The following AOAH variants were observed in gnomAD, a reference collection of about 807,000 sequenced individuals.
AOAH encodes the protein acyloxyacyl hydrolase, also known as acyloxyacyl hydrolase (neutrophil).
In AOAH, 64 loss-of-function variants were observed where a neutral mutation model predicts 92.2. That is an observed-to-expected ratio of 0.69 (90% CI 0.57 to 0.86). The LOEUF is 0.86. Ranked by LOEUF, AOAH falls within the 40% of genes least tolerant of loss-of-function variation. The probability of loss-of-function intolerance (pLI) is 0.00; values close to 1 mark genes in which losing one functional copy is unlikely to be tolerated. For missense variants in AOAH, 656 were observed against 694.6 expected (o/e 0.94, Z 0.62); for synonymous variants, 263 against 254.5 (o/e 1.03, Z -0.32).
At chr7:36,636,273 G>C (rs1440128076) in intron 5 of AOAH, among the ~76,000 whole-genome samples, 1 of 152,082 alleles carries the variant, frequency 6.6e-6, no homozygotes, top group Non-Finnish European at 1.5e-5. Flanking sequence ...TTGTTGAATT[G>C]TTCAGTAGAA....
chr7:36,521,752 A>G (rs1219009953), intron 20 of AOAH, among the ~76,000 whole-genome samples: 3 of 151,236 alleles, frequency 2.0e-5, no homozygotes, highest in East Asian at 3.9e-4. Flanking sequence ...CCCTTTTAGC[A>G]TCGCACAGAG....
chr7:36,679,299 A>T (rs570818436), intron 2 of AOAH, among the ~76,000 whole-genome samples: 7 of 150,960 alleles, frequency 4.6e-5, no homozygotes, highest in East Asian at 3.9e-4. Flanking sequence ...TATATATATA[A>T]AAAATAAAAA....
chr7:36,622,086 T>G (rs898556901), intron 7 of AOAH, among the ~76,000 whole-genome samples: 2 of 152,026 alleles, frequency 1.3e-5, no homozygotes, highest in African/African-American at 4.8e-5. Context: ...TGGGGGTGCA[T>G]TGTGTGAATG....
At chr7:36,650,816 A>G (rs1794529225) in intron 4 of AOAH, among the ~76,000 whole-genome samples, 1 of 152,226 alleles carries the variant, frequency 6.6e-6, no homozygotes, top group Non-Finnish European at 1.5e-5. Context: ...ATGCCAGTCC[A>G]GGAATAAGAT....
Position 36,724,161 on chromosome 7 carries a change from C to A in AOAH, c.-13G>T, listed in dbSNP as rs1348394071. 14 of 1,611,910 alleles carry A rather than the reference C, an allele frequency of 8.7e-6. No individual in the cohort carries two copies. Among genetic ancestry groups the A allele is most frequent in the South Asian group, 2.2e-5 (2 of 91,020 alleles). ...AGGGGGACTGCATCTCCGAGCTATG[C>A]ACCCCAAGTGATCACCCGGCTTTGG... is the stretch of plus-strand genomic sequence containing the variant. On this transcript the variant is annotated 5_prime_UTR_variant, in exon 1 of 21. Transcript: ENST00000617537.
intron 2 of AOAH, among the ~76,000 whole-genome samples, chr7:36,684,745 C>T (rs1426073009): frequency 6.6e-6 from 1 of 150,702 alleles, no homozygotes; most frequent in Non-Finnish European, 1.5e-5. Flanking sequence ...ACAGAGAGAC[C>T]CTGTCTCAGC....
intron 6 of AOAH, among the ~76,000 whole-genome samples, chr7:36,628,418 T>A (rs1792828182): frequency 6.6e-6 from 1 of 152,138 alleles, no homozygotes; most frequent in Admixed American, 6.5e-5. Context: ...TAGCTACACA[T>A]TTGTTTTCCT....
At chr7:36,523,831 C>A (rs2115863060) in intron 19 of AOAH, among the ~76,000 whole-genome samples, 1 of 152,110 alleles carries the variant, frequency 6.6e-6, no homozygotes, top group African/African-American at 2.4e-5. Flanking sequence ...TCTGAACATC[C>A]AACAAATTGC....
At position 36,530,473 on chromosome 7, in the gene AOAH, G is replaced by T. The variant is rs780630424; in HGVS notation, c.1467C>A (p.Ala489=). 1 of 1,613,834 alleles carries T rather than the reference G, an allele frequency of 6.2e-7. No homozygotes were observed. The change falls in exon 19 of 21, where the codon GCC becomes GCA. Residue 489 remains alanine (A), a synonymous_variant. Transcript: ENST00000617537. ...QLSNTLKKIA[A]SEKFTNFNLF... Reference sequence around the variant, plus strand: ...GATTGAAGTTTGTAAATTTCTCACTGGCTGCAATTTTTTTCAGTGTGTTGG... The same window carrying T: ...GATTGAAGTTTGTAAATTTCTCACTTGCTGCAATTTTTTTCAGTGTGTTGG...
intron 16 of AOAH, among the ~76,000 whole-genome samples, chr7:36,537,023 G>C (rs561064022): frequency 6.9e-6 from 1 of 145,162 alleles, no homozygotes; most frequent in Non-Finnish European, 1.5e-5. Flanking sequence ...CTGTCATCTT[G>C]TGTGAGTGAT....
At chr7:36,528,996 G>A (rs1419343487) in intron 19 of AOAH, among the ~76,000 whole-genome samples, 4 of 152,158 alleles carry the variant, frequency 2.6e-5, no homozygotes, top group Admixed American at 2.6e-4. Context: ...TGTTGATTTT[G>A]CTTATCCAAA....
chr7:36,702,429 T>TG lies in AOAH; in HGVS notation c.128-15636dup, dbSNP rs543445335. Among the ~76,000 whole-genome samples, 339 of 152,314 alleles carry TG rather than the reference T, an allele frequency of 2.2e-3. 3 individuals carry two copies. Among genetic ancestry groups the TG allele is most frequent in the African/African-American group, 7.9e-3 (329 of 41,560 alleles). On this transcript the variant is annotated intron_variant, in intron 1 of 20. Coordinates refer to ENST00000617537, the MANE Select transcript of AOAH (RefSeq NM_001637.4). ...TTTCATTTCTGAATAATGTTTTAACTGATTCAGAACTCTTGGTTGATAACT... is the reference window on the plus strand; with the variant it reads ...TTTCATTTCTGAATAATGTTTTAACTGGATTCAGAACTCTTGGTTGATAACT...
intron 13 of AOAH, among the ~76,000 whole-genome samples, chr7:36,553,436 G>T (rs989031157): frequency 6.6e-6 from 1 of 151,096 alleles, no homozygotes; most frequent in Admixed American, 6.6e-5. Flanking sequence ...GAATAGTGCC[G>T]CAATAAACAT....
chr7:36,627,695 TG>T (rs1025376883), intron 6 of AOAH, among the ~76,000 whole-genome samples: 8 of 152,134 alleles, frequency 5.3e-5, no homozygotes, highest in African/African-American at 1.9e-4. Flanking sequence ...TCCCAATCCA[TG>T]GCCCCTCTTC....
chr7:36,552,427 C>A (rs1786335137), intron 13 of AOAH, among the ~76,000 whole-genome samples: 1 of 152,116 alleles, frequency 6.6e-6, no homozygotes, highest in East Asian at 1.9e-4. Flanking sequence ...GGGTTGATTT[C>A]ATCTCTTTGC....
intron 20 of AOAH, among the ~76,000 whole-genome samples, chr7:36,515,222 ACAC>A (rs1308712899): frequency 7.7e-6 from 1 of 130,620 alleles, no homozygotes; most frequent in African/African-American, 3.0e-5. Flanking sequence ...CACACACACC[ACAC>A]ACCACACCCC....
intron 2 of AOAH, among the ~76,000 whole-genome samples, chr7:36,675,878 A>G (rs2116676347): frequency 6.6e-6 from 1 of 152,338 alleles, no homozygotes; most frequent in South Asian, 2.1e-4. Flanking sequence ...AACAACATAA[A>G]AAAAACCATA....
At chr7:36,521,977 C>T in intron 20 of AOAH, 62 bp downstream of exon 20, 1 of 1,397,736 alleles carries the variant, frequency 7.2e-7, no homozygotes, top group Non-Finnish European at 1.0e-6. Context: ...AATGTGTAAC[C>T]ATAATTAAAA....
intron 11 of AOAH, among the ~76,000 whole-genome samples, chr7:36,613,368 A>G (rs1645390918): frequency 6.6e-6 from 1 of 152,206 alleles, no homozygotes; most frequent in Non-Finnish European, 1.5e-5. Flanking sequence ...TTATCCTTGG[A>G]ATAAATAAGG....
Sources: allele counts gnomAD v4.1 joint callset (sites outside exome capture counted in the v4.1 genomes callset), GRCh38; gene constraint gnomAD v4.1.1; transcripts MANE v1.5; gene names NCBI Gene and HGNC (gene_info 2026-07-23, HGNC 2026-07-21).